Variants in XPOT observed in about 807,000 individuals in gnomAD.
The protein encoded by XPOT is exportin-T.
In XPOT, 34 loss-of-function variants were observed where a neutral mutation model predicts 128.2. The observed-to-expected ratio is 0.27, with a 90% CI of 0.20 to 0.35. The LOEUF (loss-of-function observed/expected upper bound fraction) is 0.35, where lower values mean the gene tolerates loss of function less well. Ranked by LOEUF, XPOT falls within the 10% of genes least tolerant of loss-of-function variation. The pLI, the probability that XPOT is intolerant of heterozygous loss-of-function variation, is 1.00. For missense variants in XPOT, 838 were observed against 1,125.3 expected (o/e 0.74, Z 3.65); for synonymous variants, 348 against 394.3 (o/e 0.88, Z 1.39).
At chr12:64,416,791 G>C in intron 4 of XPOT, 37 bp downstream of exon 4, 1 of 1,538,024 alleles carries the variant, frequency 6.5e-7, no homozygotes, top group Non-Finnish European at 8.9e-7. Context: ...CAGATTTGCG[G>C]GGAGAGGTCA....
At position 64,431,486 on chromosome 12, in the gene XPOT, A is replaced by G. The variant is rs138200671; in HGVS notation, c.1977-52A>G. On this transcript the variant is annotated intron_variant, in intron 17 of 24. Coordinates refer to ENST00000332707, the MANE Select transcript of XPOT (RefSeq NM_007235.6). ...GTGCATTGCTTTTGAATACTCCATA[A>G]CACTTTTAAAGAATAAAGTTGCATC... 901 of 1,575,662 alleles carry G rather than the reference A, an allele frequency of 5.7e-4. 8 individuals are homozygous for G. In the African/African-American group the frequency reaches 0.011, roughly 19 times the overall value.
chr12:64,434,178 T>A (rs1470492815), intron 19 of XPOT, among the ~76,000 whole-genome samples: 2 of 152,134 alleles, frequency 1.3e-5, no homozygotes, highest in African/African-American at 4.8e-5. Context: ...CTGGGCTTAT[T>A]TTTTGTAGAG....
chr12:64,429,943 T>G, intron 16 of XPOT, 106 bp from the exon 17 acceptor site: 1 of 1,022,768 alleles, frequency 9.8e-7, no homozygotes, highest in Non-Finnish European at 1.4e-6. Flanking sequence ...ATTTGACATA[T>G]GAGTTGGTGT....
intron 15 of XPOT, among the ~76,000 whole-genome samples, chr12:64,427,423 C>A (rs1483478352): frequency 6.6e-6 from 1 of 152,022 alleles, no homozygotes; most frequent in Non-Finnish European, 1.5e-5. Context: ...GCCCAGCCCC[C>A]TTTTTATGTT....
rs1400290500 is a variant in XPOT at position 64,427,988 on chromosome 12, T to G, written c.1668-63T>G. 5 of 1,092,908 alleles carry G rather than the reference T, an allele frequency of 4.6e-6. No individual in the cohort carries two copies. The African/African-American group carries it at 4.7e-5, about 10-fold the overall frequency. 67.7% of individuals were successfully genotyped at this position (1,092,908 alleles called of 1,614,324 possible). A position where few individuals can be genotyped will look rare whatever the true frequency, so the allele number is the denominator to read the frequency against. ...TTTAGTTCTGTCTTAAAGGGGGAAT[T>G]TGGTATTTTAGCACTGTTTTGAGCA... On this transcript the variant is annotated intron_variant, in intron 15 of 24. Transcript: ENST00000332707.
chr12:64,433,035 GT>G (rs2040252033), intron 18 of XPOT, among the ~76,000 whole-genome samples: 1 of 152,138 alleles, frequency 6.6e-6, no homozygotes, highest in Admixed American at 6.5e-5. Context: ...CACCTCTCAG[GT>G]TCAAGCAGTT....
At chr12:64,422,902 C>CA (rs201490602) in intron 9 of XPOT, 103 bp from the exon 10 acceptor site, 219,311 of 857,628 alleles carry the variant, frequency 0.26, 3,157 homozygotes, top group African/African-American at 0.37. Context: ...GACCTTGTCT[C>CA]AAAAAAAAAA....
At chr12:64,416,789 C>T (rs753108141) in intron 4 of XPOT, 35 bp downstream of exon 4, 22 of 1,543,020 alleles carry the variant, frequency 1.4e-5, no homozygotes, top group Admixed American at 7.4e-5. Flanking sequence ...CTCAGATTTG[C>T]GGGGAGAGGT....
At chr12:64,446,573 C>T (rs1229562787) in intron 24 of XPOT, among the ~76,000 whole-genome samples, 1 of 151,776 alleles carries the variant, frequency 6.6e-6, no homozygotes, top group Non-Finnish European at 1.5e-5. Flanking sequence ...ATTTATTCAC[C>T]TTCCTCATAA....
In XPOT at chr12:64,410,093, A is replaced by G. The variant is rs1231179419; in HGVS notation, c.58A>G (p.Arg20Gly). 6.2e-7 allele frequency: 1 copy of G among 1,613,540 alleles called. No homozygotes were observed. Among genetic ancestry groups the G allele is most frequent in the Admixed American group, 1.7e-5 (1 of 60,004 alleles). Residue 20 changes from arginine (R) to glycine (G), a missense_variant and splice_region_variant, in exon 2 of 25, where the codon AGG (arginine) becomes GGG (glycine). By Grantham distance (125) the Arg-to-Gly change is moderately radical. Around this residue, in one of 3 missense-constraint regions of XPOT, gnomAD observed 761 missense variants for 988.3 expected, o/e 0.77. Transcript: ENST00000332707. ...NPNADSDFRQ[R>G]ALAYFEQLKI... ...AAATGCTGATTCAGACTTTAGACAAAGGGTAAGTTACTCTGCTGAATCATT... is the reference window on the plus strand; with the variant it reads ...AAATGCTGATTCAGACTTTAGACAAGGGGTAAGTTACTCTGCTGAATCATT...
intron 18 of XPOT, 95 bp downstream of exon 18, chr12:64,431,918 T>C: frequency 7.3e-7 from 1 of 1,364,036 alleles, no homozygotes; most frequent in Non-Finnish European, 9.9e-7. Context: ...TTTCTTTTTT[T>C]TTGCTTTTAA....
chr12:64,444,989 T>TA, intron 23 of XPOT, 86 bp from the exon 24 acceptor site: 2 of 1,042,578 alleles, frequency 1.9e-6, no homozygotes, highest in Non-Finnish European at 1.3e-6. Flanking sequence ...AAAAAAAAAA[T>TA]TAAAAAAAAA....
intron 24 of XPOT, among the ~76,000 whole-genome samples, chr12:64,447,751 C>A (rs542995276): frequency 6.6e-6 from 1 of 152,202 alleles, no homozygotes; most frequent in African/African-American, 2.4e-5. Flanking sequence ...TTACAGGCGC[C>A]GTGCCCGTCC....
intron 10 of XPOT, 22 bp from the exon 11 acceptor site, chr12:64,423,160 T>C: frequency 1.3e-6 from 2 of 1,599,906 alleles, no homozygotes; most frequent in Non-Finnish European, 1.7e-6. Context: ...AAAAACTCTT[T>C]TATTCTCAAT....
intron 1 of XPOT, among the ~76,000 whole-genome samples, chr12:64,408,050 C>A (rs1400722769): frequency 6.6e-6 from 1 of 152,180 alleles, no homozygotes; most frequent in Non-Finnish European, 1.5e-5. Context: ...CCCCTACCCC[C>A]AATCCAATTA....
At chr12:64,433,214 G>A (rs550483673) in intron 18 of XPOT, among the ~76,000 whole-genome samples, 200 bp from the exon 19 acceptor site, 1 of 152,332 alleles carries the variant, frequency 6.6e-6, no homozygotes, top group East Asian at 1.9e-4. Flanking sequence ...CCAAAGTGCT[G>A]GGATTACAGG....
At chr12:64,411,956 A>T (rs998399721) in intron 2 of XPOT, among the ~76,000 whole-genome samples, 1 of 151,996 alleles carries the variant, frequency 6.6e-6, no homozygotes, top group African/African-American at 2.4e-5. Context: ...CAGAATACAA[A>T]GGCTTTGTTT....
intron 22 of XPOT, 22 bp from the exon 23 acceptor site, chr12:64,439,222 G>A (rs371112779): frequency 4.3e-6 from 7 of 1,609,210 alleles, no homozygotes; most frequent in Non-Finnish European, 6.0e-6. Flanking sequence ...GAAAATAGTT[G>A]TAAGTATCTT....
At chr12:64,409,788 G>T in intron 1 of XPOT, 174 bp from the exon 2 acceptor site, 1 of 486,598 alleles carries the variant, frequency 2.1e-6, no homozygotes, top group African/African-American at 2.0e-5. Context: ...AGTTAGCAGA[G>T]CCCATTTTTC....
Sources: allele counts gnomAD v4.1 joint callset (sites outside exome capture counted in the v4.1 genomes callset), GRCh38; gene constraint gnomAD v4.1.1; regional missense constraint gnomAD v4.1.1; transcripts MANE v1.5; gene names NCBI Gene and HGNC (gene_info 2026-07-23, HGNC 2026-07-21).